The following CCN4 variants were observed in gnomAD, a reference collection of about 807,000 sequenced individuals.
CCN4 encodes CCN family member 4.
In CCN4, 30 loss-of-function variants were observed where a neutral mutation model predicts 36.7. The observed-to-expected ratio is 0.82, with a 90% confidence interval of 0.61 to 1.11. CCN4 has a LOEUF of 1.11. Ranked by LOEUF, CCN4 falls within the 50% of genes least tolerant of loss-of-function variation. The probability of loss-of-function intolerance (pLI) is 0.00; values close to 1 mark genes in which losing one functional copy is unlikely to be tolerated. For synonymous variants in CCN4, 191 were observed against 195.4 expected (o/e 0.98, Z 0.19); for missense variants, 505 against 504.9 (o/e 1.00, Z 0.00).
intron 1 of CCN4, among the ~76,000 whole-genome samples, chr8:133,201,425 T>G (rs1244313241): frequency 6.6e-6 from 1 of 152,122 alleles, no homozygotes; most frequent in Non-Finnish European, 1.5e-5. Context: ...TGTAACTAAT[T>G]TATTGGTGTG....
chr8:133,216,008 A>C (rs201174027), intron 2 of CCN4, among the ~76,000 whole-genome samples: 19 of 148,176 alleles, frequency 1.3e-4, no homozygotes, highest in African/African-American at 4.6e-4. Context: ...CACACACACA[A>C]ACACACAGTT....
At chr8:133,191,770 T>C (rs553448313) in intron 1 of CCN4, among the ~76,000 whole-genome samples, 1 of 152,324 alleles carries the variant, frequency 6.6e-6, no homozygotes, top group Admixed American at 6.5e-5. Flanking sequence ...GGGTGATGTC[T>C]AACCCCAACT....
intron 2 of CCN4, among the ~76,000 whole-genome samples, chr8:133,213,966 A>G: frequency 7.2e-6 from 1 of 139,292 alleles, no homozygotes; most frequent in Non-Finnish European, 1.5e-5. Flanking sequence ...TATATACTAT[A>G]TATACACTAT....
chr8:133,196,161 C>T (rs958698207), intron 1 of CCN4, among the ~76,000 whole-genome samples: 1 of 152,200 alleles, frequency 6.6e-6, no homozygotes, highest in African/African-American at 2.4e-5. Context: ...AGCATGTGCC[C>T]ACTCTACTCT....
intron 2 of CCN4, among the ~76,000 whole-genome samples, chr8:133,215,530 A>G (rs951187073): frequency 4.6e-5 from 7 of 152,240 alleles, no homozygotes; most frequent in Admixed American, 1.3e-4. Flanking sequence ...TCATTTATAG[A>G]TGTTCTGTCA....
In CCN4 at chr8:133,220,951, A is replaced by G. The variant is rs1854505341; in HGVS notation, c.610+110A>G. 58 of 1,409,394 alleles carry G rather than the reference A, an allele frequency of 4.1e-5. No individual in the cohort carries two copies. The South Asian group carries it at 8.3e-4, about 20-fold the overall frequency. 87.3% of individuals were successfully genotyped at this position (1,409,394 alleles called of 1,614,324 possible). A position where few individuals can be genotyped will look rare whatever the true frequency, so the allele number is the denominator to read the frequency against. ...CTCATTCCCCAGTCCACTACCTACTAGCTTTGTGACCTTGAGAAAGTCATA... is the reference window on the plus strand; with the variant it reads ...CTCATTCCCCAGTCCACTACCTACTGGCTTTGTGACCTTGAGAAAGTCATA... On this transcript the variant is annotated intron_variant, in intron 3 of 4. Transcript: ENST00000250160.
chr8:133,208,442 C>G (rs1200349296), intron 1 of CCN4, among the ~76,000 whole-genome samples: 1 of 152,168 alleles, frequency 6.6e-6, no homozygotes, highest in African/African-American at 2.4e-5. Flanking sequence ...CAAATCTAAC[C>G]CTGCCATCCT....
chr8:133,213,589 G>A (rs1210031145), intron 2 of CCN4, among the ~76,000 whole-genome samples: 9 of 151,456 alleles, frequency 5.9e-5, no homozygotes, highest in Admixed American at 5.9e-4. Context: ...AAAATCAGCA[G>A]CCTGCAGTCA....
chr8:133,221,793 A>G (rs973241629), intron 3 of CCN4, among the ~76,000 whole-genome samples: 4 of 152,206 alleles, frequency 2.6e-5, no homozygotes, highest in African/African-American at 7.2e-5. Flanking sequence ...GAATGGATGG[A>G]TGGATGAATT....
chr8:133,229,948 A>G lies in CCN4; in HGVS notation c.*2238A>G, dbSNP rs933912518. The G allele has an allele frequency of 2.0e-5, 3 of 152,272 alleles. No homozygotes were observed. Among genetic ancestry groups the G allele is most frequent in the African/African-American group, 7.2e-5 (3 of 41,472 alleles). The allele number at this position is 152,272 out of a possible 1,614,324, so 9.4% of individuals were successfully genotyped here. On this transcript the variant is annotated 3_prime_UTR_variant, in exon 5 of 5. Coordinates refer to ENST00000250160, the MANE Select transcript of CCN4 (RefSeq NM_003882.4). The stretch of plus-strand genomic sequence containing the variant: ...AATCATGTTAGATTTTCTGAGAGTG[A>G]AAACACCTGCCATCTACAAATTACA...
At chr8:133,194,465 G>T (rs1458638842) in intron 1 of CCN4, among the ~76,000 whole-genome samples, 13 of 69,928 alleles carry the variant, frequency 1.9e-4, no homozygotes, top group African/African-American at 1.0e-3. Context: ...TATGTGTGTG[G>T]GGTGTGTGTG....
intron 1 of CCN4, among the ~76,000 whole-genome samples, chr8:133,209,159 C>G (rs1298062490): frequency 6.6e-6 from 1 of 152,196 alleles, no homozygotes; most frequent in Non-Finnish European, 1.5e-5. Context: ...GCGGAAACCG[C>G]CCTTGCGCCA....
rs768377164 is a variant in CCN4 at position 133,220,591 on chromosome 8, T to G, written c.360T>G (p.Gly120=). 1 of 1,612,830 alleles carries G rather than the reference T, an allele frequency of 6.2e-7. No homozygotes were observed. Among genetic ancestry groups the G allele is most frequent in the Non-Finnish European group, 8.5e-7 (1 of 1,178,984 alleles). Residue 120 remains glycine, a synonymous_variant, in exon 3 of 5, where the codon GGT becomes GGG. Transcript: ENST00000250160. Reference sequence around the variant, plus strand: ...CACCTGTGTTTGCAGAGGTGGTCGGTGTGGGCTGCGTCCTGGATGGGGTGC... The same window carrying G: ...CACCTGTGTTTGCAGAGGTGGTCGGGGTGGGCTGCGTCCTGGATGGGGTGC... The part of the protein sequence containing the change: ...YAIGVCAQVV[G]VGCVLDGVRY...
At chr8:133,197,633 G>T (rs1363992374) in intron 1 of CCN4, among the ~76,000 whole-genome samples, 2 of 152,150 alleles carry the variant, frequency 1.3e-5, no homozygotes, top group African/African-American at 4.8e-5. Context: ...TCGCAAATGT[G>T]AACGATGGGC....
chr8:133,227,365 C>T (rs146228815), intron 4 of CCN4, 46 bp from the exon 5 acceptor site: 7 of 1,552,502 alleles, frequency 4.5e-6, no homozygotes, highest in African/African-American at 2.7e-5. Context: ...AGGTGGTTGT[C>T]CATTCTCTGA....
rs1038338055 is a variant in CCN4 at position 133,230,887 on chromosome 8, A to C, written c.*3177A>C. The C allele has an allele frequency of 6.6e-6, 1 of 152,208 alleles. No individual in the cohort carries two copies. Among genetic ancestry groups the C allele is most frequent in the Non-Finnish European group, 1.5e-5 (1 of 68,038 alleles). The allele number at this position is 152,208 out of a possible 1,614,324, so 9.4% of individuals were successfully genotyped here. ...CAGCAAACCTATAGAATATGGCATT[A>C]TCATCTGAGTCTCACAGAAGTTTAG... On this transcript the variant is annotated 3_prime_UTR_variant, in exon 5 of 5. Transcript: ENST00000250160.
intron 2 of CCN4, among the ~76,000 whole-genome samples, chr8:133,219,710 A>T (rs957154163): frequency 6.6e-6 from 1 of 152,254 alleles, no homozygotes; most frequent in South Asian, 2.1e-4. Context: ...TAGAAAACCC[A>T]GCATTCCTAT....
intron 1 of CCN4, among the ~76,000 whole-genome samples, chr8:133,210,359 ATG>A (rs1853962232): frequency 6.6e-6 from 1 of 151,208 alleles, no homozygotes; most frequent in Admixed American, 6.6e-5. Context: ...TAACAAGGAA[ATG>A]TCTCTCCCCA....
chr8:133,223,906 A>G (rs1262683496), intron 3 of CCN4, among the ~76,000 whole-genome samples: 1 of 152,156 alleles, frequency 6.6e-6, no homozygotes, highest in Non-Finnish European at 1.5e-5. Flanking sequence ...AGCACTTACT[A>G]TCTTCTAGAT....
Sources: gnomAD v4.1 joint callset for allele counts (sites outside exome capture counted in the v4.1 genomes callset) on GRCh38, gnomAD v4.1.1 for gene constraint, MANE v1.5 for transcripts, NCBI Gene and HGNC (gene_info 2026-07-23, HGNC 2026-07-21) for gene names.